The following RBFOX1 variants were observed in gnomAD, a reference collection of about 807,000 sequenced individuals.
The protein encoded by RBFOX1 is RNA binding fox-1 homolog 1.
RBFOX1 carries 8 observed loss-of-function variants against 57.7 expected under a neutral mutation model. That is an observed-to-expected ratio of 0.14 (90% CI 0.08 to 0.25). The LOEUF (loss-of-function observed/expected upper bound fraction) is 0.25, where lower values mean the gene tolerates loss of function less well. RBFOX1 is among the 10% of genes least tolerant of loss of function. RBFOX1 has a pLI of 1.00. For synonymous variants in RBFOX1, 326 were observed against 222.4 expected, an observed-to-expected ratio of 1.47 and a Z score of -4.15; for missense variants, 611 against 548.5, an observed-to-expected ratio of 1.11 and a Z score of -1.14.
At chr16:7,396,488 G>A (rs1199037039) in intron 4 of RBFOX1, among the ~76,000 whole-genome samples, 1 of 152,164 alleles carries the variant, frequency 6.6e-6, no homozygotes, top group Non-Finnish European at 1.5e-5. Context: ...TACACGTCCT[G>A]ATTCATAAGT....
chr16:6,118,550 G>A (rs2152621120), intron 1 of RBFOX1, among the ~76,000 whole-genome samples: 1 of 151,684 alleles, frequency 6.6e-6, no homozygotes, highest in Middle Eastern at 3.4e-3. Flanking sequence ...CCTCCTCCTT[G>A]TTCTCTTCCT....
rs1159531603 is a variant in RBFOX1, at chr16:6,978,692, T to C, written c.-15-73365T>C. On this transcript the variant is annotated intron_variant, in intron 3 of 15. Transcript: ENST00000550418. ...CTTACCGACTTGGAAGCTGAGGTTT[T>C]GCCAATGTAATCAGGATGTGATAAA... 3.3e-5 allele frequency among the ~76,000 whole-genome samples: 5 copies of C among 152,212 alleles called. No homozygotes were observed. The East Asian group carries it at 5.8e-4, about 18-fold the overall frequency.
chr16:6,859,161 ATACG>A (rs1446889613), intron 3 of RBFOX1, among the ~76,000 whole-genome samples: 1 of 88,694 alleles, frequency 1.1e-5, no homozygotes, highest in African/African-American at 5.7e-5. Flanking sequence ...ATGTATATAT[ATACG>A]TATATATATG....
intron 3 of RBFOX1, among the ~76,000 whole-genome samples, chr16:5,800,162 G>T (rs2055011811): frequency 6.6e-6 from 1 of 152,060 alleles, no homozygotes; most frequent in Non-Finnish European, 1.5e-5. Context: ...GACTGTTCCA[G>T]AAAAAGTAGG....
At chr16:7,273,180 T>G in intron 4 of RBFOX1, among the ~76,000 whole-genome samples, 1 of 119,718 alleles carries the variant, frequency 8.4e-6, no homozygotes, top group East Asian at 2.9e-4. Flanking sequence ...CTCCCTCCCT[T>G]CCTTCCTCCC....
chr16:5,696,531 C>T (rs1249370678), intron 3 of RBFOX1, among the ~76,000 whole-genome samples: 1 of 152,196 alleles, frequency 6.6e-6, no homozygotes, highest in Non-Finnish European at 1.5e-5. Context: ...TGATCCAAGG[C>T]TATGTGCGTT....
At chr16:6,138,114 C>A (rs954136880) in intron 1 of RBFOX1, among the ~76,000 whole-genome samples, 3 of 152,138 alleles carry the variant, frequency 2.0e-5, no homozygotes, top group African/African-American at 7.2e-5. Context: ...GTCAAACAAA[C>A]CTGCATTTGA....
intron 2 of RBFOX1, among the ~76,000 whole-genome samples, chr16:6,449,365 G>T (rs1400972013): frequency 6.6e-6 from 1 of 152,204 alleles, no homozygotes; most frequent in East Asian, 1.9e-4. Context: ...CAATTATGTT[G>T]CAGGAATTGC....
At chr16:7,337,220 T>C (rs2096805631) in intron 4 of RBFOX1, among the ~76,000 whole-genome samples, 1 of 152,114 alleles carries the variant, frequency 6.6e-6, no homozygotes, top group Non-Finnish European at 1.5e-5. Context: ...AACCAGGGTC[T>C]TTTATCCACC....
intron 1 of RBFOX1, among the ~76,000 whole-genome samples, chr16:5,349,643 G>A (rs1009949272): frequency 6.6e-6 from 1 of 151,984 alleles, no homozygotes; most frequent in African/African-American, 2.4e-5. Flanking sequence ...TTGCACTTCA[G>A]TCTGGGTGAC....
At chr16:6,954,195 T>C (rs75712213) in intron 3 of RBFOX1, among the ~76,000 whole-genome samples, 2 of 152,158 alleles carry the variant, frequency 1.3e-5, no homozygotes, top group African/African-American at 4.8e-5. Context: ...TACTCACATA[T>C]TTATGTAAAA....
chr16:5,427,128 G>A (rs925458102), intron 1 of RBFOX1, among the ~76,000 whole-genome samples: 2 of 152,184 alleles, frequency 1.3e-5, no homozygotes, highest in South Asian at 2.1e-4. Context: ...TGATGTGTCC[G>A]CAGATGCTGT....
chr16:7,401,924 G>A (rs1171837301), intron 4 of RBFOX1, among the ~76,000 whole-genome samples: 1 of 152,186 alleles, frequency 6.6e-6, no homozygotes, highest in African/African-American at 2.4e-5. Context: ...ATCTCTCAGT[G>A]AGGTTAAATC....
intron 1 of RBFOX1, among the ~76,000 whole-genome samples, chr16:6,187,922 G>T (rs147330832): frequency 6.6e-6 from 1 of 152,264 alleles, no homozygotes; most frequent in Non-Finnish European, 1.5e-5. Flanking sequence ...GCACATGTGC[G>T]TGCATATGTG....
chr16:5,281,733 G>A (rs2063276122), intron 1 of RBFOX1, among the ~76,000 whole-genome samples: 1 of 152,126 alleles, frequency 6.6e-6, no homozygotes, highest in Middle Eastern at 3.2e-3. Flanking sequence ...TCTGATGTAA[G>A]TTTAACTACT....
intron 4 of RBFOX1, among the ~76,000 whole-genome samples, chr16:7,328,945 C>T (rs117892832): frequency 6.6e-6 from 1 of 152,202 alleles, no homozygotes; most frequent in East Asian, 1.9e-4. Flanking sequence ...ATGGTGTTTG[C>T]ATTTATAACT....
intron 3 of RBFOX1, among the ~76,000 whole-genome samples, chr16:6,744,088 C>G (rs909646711): frequency 6.6e-6 from 1 of 151,892 alleles, no homozygotes; most frequent in Non-Finnish European, 1.5e-5. Context: ...ACTGAAGTAA[C>G]TATACTGATA....
At chr16:6,540,624 A>C (rs866434924) in intron 2 of RBFOX1, among the ~76,000 whole-genome samples, 15 of 151,808 alleles carry the variant, frequency 9.9e-5, no homozygotes, top group Admixed American at 2.6e-4. Context: ...AAAAAAAAAA[A>C]AAAAAAAAAA....
At chr16:7,633,006 A>AAAT (rs2061229445) in intron 11 of RBFOX1, among the ~76,000 whole-genome samples, 1 of 152,228 alleles carries the variant, frequency 6.6e-6, no homozygotes, top group African/African-American at 2.4e-5. Flanking sequence ...CTCCATAATA[A>AAAT]AATAGCTGAA....
Sources: gnomAD v4.1 joint callset for allele counts (sites outside exome capture counted in the v4.1 genomes callset) on GRCh38, gnomAD v4.1.1 for gene constraint, MANE v1.5 for transcripts, NCBI Gene and HGNC (gene_info 2026-07-23, HGNC 2026-07-21) for gene names.